The following RNF43 variants were observed in gnomAD, a reference collection of about 807,000 sequenced individuals.
The protein encoded by RNF43 is E3 ubiquitin-protein ligase RNF43.
RNF43 carries 37 observed loss-of-function variants against 78.4 expected under a neutral mutation model. The observed-to-expected ratio is 0.47, with a 90% CI of 0.36 to 0.62. The LOEUF (loss-of-function observed/expected upper bound fraction) is 0.62. Among genes scored for constraint, RNF43 ranks in the 20% least tolerant of loss-of-function variants. The probability of loss-of-function intolerance (pLI) is 0.00; values close to 1 mark genes in which losing one functional copy is unlikely to be tolerated. For missense variants in RNF43, 774 were observed against 1,007.9 expected (o/e 0.77, Z 3.14); for synonymous variants, 347 against 395.0 (o/e 0.88, Z 1.44).
intron 2 of RNF43, among the ~76,000 whole-genome samples, chr17:58,379,836 A>G (rs1226744931): frequency 6.6e-6 from 1 of 152,244 alleles, no homozygotes; most frequent in Non-Finnish European, 1.5e-5. Context: ...CAGCCACCCA[A>G]GAAGTAGAAC....
intron 6 of RNF43, among the ~76,000 whole-genome samples, chr17:58,362,071 G>A (rs1972844802): frequency 6.6e-6 from 1 of 151,436 alleles, no homozygotes; most frequent in East Asian, 1.9e-4. Flanking sequence ...GGGCGACAGA[G>A]CAAGACTCTG....
intron 2 of RNF43, among the ~76,000 whole-genome samples, chr17:58,403,693 T>G (rs374318621): frequency 6.6e-6 from 1 of 152,180 alleles, no homozygotes; most frequent in South Asian, 2.1e-4. Context: ...ACTAATCAGA[T>G]GGCCCCATTT....
intron 2 of RNF43, among the ~76,000 whole-genome samples, chr17:58,407,281 T>C (rs1481818723): frequency 6.6e-6 from 1 of 152,056 alleles, no homozygotes; most frequent in East Asian, 1.9e-4. Flanking sequence ...GGTTTCACCA[T>C]GTTGGCCAGG....
At chr17:58,398,225 A>G (rs1172895464) in intron 2 of RNF43, among the ~76,000 whole-genome samples, 1 of 152,200 alleles carries the variant, frequency 6.6e-6, no homozygotes, top group Non-Finnish European at 1.5e-5. Flanking sequence ...TCTTCAATGT[A>G]TTGGTGCACT....
intron 2 of RNF43, among the ~76,000 whole-genome samples, chr17:58,397,599 G>T (rs955916870): frequency 6.6e-6 from 1 of 151,350 alleles, no homozygotes; most frequent in African/African-American, 2.4e-5. Context: ...GGAGGCAGAG[G>T]TTACAGTGAG....
At chr17:58,415,201 T>A in intron 2 of RNF43, 125 bp downstream of exon 2, 1 of 955,344 alleles carries the variant, frequency 1.0e-6, no homozygotes, top group South Asian at 1.6e-5. Context: ...AGGCAGTATC[T>A]ACTCTTTCTA....
At chr17:58,415,112 G>C (rs1974096114) in intron 2 of RNF43, among the ~76,000 whole-genome samples, 1 of 152,004 alleles carries the variant, frequency 6.6e-6, no homozygotes, top group Non-Finnish European at 1.5e-5. Flanking sequence ...AAAATAAGCA[G>C]ATAATCTTCT....
At chr17:58,387,275 G>T (rs937856104) in intron 2 of RNF43, among the ~76,000 whole-genome samples, 5 of 152,046 alleles carry the variant, frequency 3.3e-5, no homozygotes, top group Non-Finnish European at 7.4e-5. Flanking sequence ...TATCATAATT[G>T]GGCAGCTTGT....
At chr17:58,362,453 G>T (rs1972855769) in intron 6 of RNF43, 91 bp downstream of exon 6, 1 of 846,766 alleles carries the variant, frequency 1.2e-6, no homozygotes, top group Non-Finnish European at 1.8e-6. Flanking sequence ...AGGTATAAAG[G>T]TGCCTTCTTC....
chr17:58,392,391 C>G (rs950485478), intron 2 of RNF43, among the ~76,000 whole-genome samples: 1 of 152,152 alleles, frequency 6.6e-6, no homozygotes, highest in African/African-American at 2.4e-5. Context: ...AACTTATCAT[C>G]AAATAATGCT....
chr17:58,368,605 C>T (rs1435987438), intron 3 of RNF43, among the ~76,000 whole-genome samples: 2 of 146,078 alleles, frequency 1.4e-5, no homozygotes, highest in African/African-American at 2.6e-5. Flanking sequence ...CCCAGCTACT[C>T]AGGAGGCTGA....
At chr17:58,370,348 G>C (rs192718611) in intron 3 of RNF43, among the ~76,000 whole-genome samples, 5 of 151,984 alleles carry the variant, frequency 3.3e-5, no homozygotes, top group Non-Finnish European at 7.4e-5. Flanking sequence ...GATTATAGGC[G>C]TGCGCCACCA....
At chr17:58,374,871 C>T (rs186052503) in intron 2 of RNF43, among the ~76,000 whole-genome samples, 2 of 152,244 alleles carry the variant, frequency 1.3e-5, no homozygotes, top group African/African-American at 4.8e-5. Context: ...TCAAACTCAG[C>T]ATGCTCAAGA....
intron 2 of RNF43, among the ~76,000 whole-genome samples, chr17:58,373,129 G>A (rs1973134951): frequency 6.6e-6 from 1 of 152,184 alleles, no homozygotes; most frequent in Non-Finnish European, 1.5e-5. Flanking sequence ...GCCACAGAAG[G>A]TTCTGCTCTG....
In RNF43 at chr17:58,360,017, T is replaced by C. The variant is rs910144185; in HGVS notation, c.952+132A>G. On this transcript the variant is annotated intron_variant, in intron 8 of 9. Transcript: ENST00000407977. This position sits in a 1 kb window ranked among gnomAD's most constrained non-coding sequence, Gnocchi z 4.3. ...CCTCGAGTGAGGCACTCTGGAGCAG[T>C]GTACAGCCCATACAACTATGGTGGC... 1.2e-5 allele frequency: 8 copies of C among 640,166 alleles called. No individual in the cohort carries two copies. Among genetic ancestry groups the C allele is most frequent in the African/African-American group, 7.2e-5 (4 of 55,742 alleles). The allele number at this position is 640,166 out of a possible 1,614,324, so 39.7% of individuals were successfully genotyped here. A position where few individuals can be genotyped will look rare whatever the true frequency, so the allele number is the denominator to read the frequency against.
At chr17:58,381,386 G>T (rs1598148959) in intron 2 of RNF43, among the ~76,000 whole-genome samples, 1 of 152,224 alleles carries the variant, frequency 6.6e-6, no homozygotes, top group Non-Finnish European at 1.5e-5. Flanking sequence ...TGTCCATGCG[G>T]TGGCCCTAGG....
downstream of RNF43, chr17:58,353,590 A>C (rs1972613238): frequency 4.8e-6 from 1 of 207,680 alleles, no homozygotes; most frequent in Non-Finnish European, 9.8e-6. Flanking sequence ...TAACATAAAT[A>C]ATTTACTTCT....
In RNF43 at chr17:58,357,882, T is replaced by A. The variant is rs1401545649; in HGVS notation, c.1894A>T (p.Ile632Phe). 6.2e-7 allele frequency: 1 copy of A among 1,613,896 alleles called. No individual in the cohort carries two copies. The highest frequency in any genetic ancestry group is 8.5e-7 in the Non-Finnish European group (1 of 1,179,924). ...PAPGPVDASSICPSTSSLFNL... is the reference protein window; with the variant it reads ...PAPGPVDASSFCPSTSSLFNL... Reference sequence around the variant, plus strand: ...AACAGACTGCTGGTACTGGGGCAGATGCTGGAGGCGTCAACTGGGCCAGGG... The same window carrying A: ...AACAGACTGCTGGTACTGGGGCAGAAGCTGGAGGCGTCAACTGGGCCAGGG... Residue 632 changes from isoleucine (I) to phenylalanine (F), a missense_variant, in exon 9 of 10, where the codon ATC (isoleucine) becomes TTC (phenylalanine). Physicochemically the swap from Ile to Phe is conservative, Grantham distance 21. Coordinates refer to ENST00000407977, the MANE Select transcript of RNF43 (RefSeq NM_017763.6). The surrounding 1 kb of genome is among the most constrained non-coding windows in gnomAD (Gnocchi z 4.5).
At chr17:58,391,787 T>A (rs187193289) in intron 2 of RNF43, among the ~76,000 whole-genome samples, 136 of 152,278 alleles carry the variant, frequency 8.9e-4, no homozygotes, top group Admixed American at 4.6e-3. Flanking sequence ...GTGTTCAGAA[T>A]GTGCTCTCTG....
Sources: allele counts gnomAD v4.1 joint callset (sites outside exome capture counted in the v4.1 genomes callset), GRCh38; gene constraint gnomAD v4.1.1; non-coding constraint Gnocchi (gnomAD v3.1); transcripts MANE v1.5; gene names NCBI Gene and HGNC (gene_info 2026-07-23, HGNC 2026-07-21).